RETREG1: variants seen among roughly 807,000 people sequenced by gnomAD.
RETREG1 encodes the protein family with sequence similarity 134 member B.
Under a neutral mutation model 54.8 loss-of-function variants are expected in RETREG1, and 44 were observed. The observed-to-expected ratio is 0.80, with a 90% CI of 0.63 to 1.03. The LOEUF is 1.03. Ranked by LOEUF, RETREG1 falls within the 50% of genes least tolerant of loss-of-function variation. RETREG1 has a pLI of 0.00. For synonymous variants in RETREG1, 217 were observed against 238.5 expected (o/e 0.91, Z 0.83); for missense variants, 554 against 605.1 (o/e 0.92, Z 0.89).
chr5:16,513,996 T>A (rs1478102595), intron 3 of RETREG1, among the ~76,000 whole-genome samples: 2 of 152,252 alleles, frequency 1.3e-5, no homozygotes, highest in African/African-American at 4.8e-5. Context: ...ATAATTTAAA[T>A]TAACTTCAAA....
intron 3 of RETREG1, among the ~76,000 whole-genome samples, chr5:16,511,070 G>A (rs1740160072): frequency 1.3e-5 from 2 of 152,128 alleles, no homozygotes; most frequent in Non-Finnish European, 2.9e-5. Flanking sequence ...TATAACAGAT[G>A]AATTAGCTAT....
intron 3 of RETREG1, among the ~76,000 whole-genome samples, chr5:16,506,043 C>T (rs1252157699): frequency 6.6e-6 from 1 of 152,240 alleles, no homozygotes; most frequent in Non-Finnish European, 1.5e-5. Flanking sequence ...CCTGCCCCCT[C>T]TCAGGCCGTT....
intron 3 of RETREG1, among the ~76,000 whole-genome samples, chr5:16,507,544 G>A (rs1740005423): frequency 6.6e-6 from 1 of 152,138 alleles, no homozygotes; most frequent in Admixed American, 6.5e-5. Flanking sequence ...GTCATTTTAT[G>A]TAGAAAGTTG....
intron 1 of RETREG1, among the ~76,000 whole-genome samples, chr5:16,577,330 A>G (rs1338242773): frequency 6.8e-6 from 1 of 147,392 alleles, no homozygotes; most frequent in Admixed American, 6.8e-5. Context: ...GATAGGTGGT[A>G]GTGCCTGTTT....
At chr5:16,543,863 G>A (rs575607098) in intron 3 of RETREG1, among the ~76,000 whole-genome samples, 42 of 151,468 alleles carry the variant, frequency 2.8e-4, no homozygotes, top group African/African-American at 9.9e-4. Context: ...GTTATAATTC[G>A]CCACTTTACT....
intron 5 of RETREG1, among the ~76,000 whole-genome samples, chr5:16,479,657 C>A (rs1465189409): frequency 3.3e-5 from 5 of 152,008 alleles, no homozygotes. Flanking sequence ...GAGCTCTGAC[C>A]ATTTGCCATT....
chr5:16,510,157 A>T (rs940110686), intron 3 of RETREG1, among the ~76,000 whole-genome samples: 5 of 152,240 alleles, frequency 3.3e-5, no homozygotes, highest in African/African-American at 1.2e-4. Context: ...GAAATGTCAA[A>T]ACAAATAATA....
In RETREG1 at chr5:16,511,239, G is replaced by A. The variant is rs568310750; in HGVS notation, c.459-27767C>T. Among the ~76,000 whole-genome samples the A allele has an allele frequency of 5.6e-4, 85 of 152,296 alleles. 1 individual carries two copies. In the South Asian group the frequency reaches 0.018, roughly 32 times the overall value. The stretch of plus-strand genomic sequence containing the variant: ...TCTTTTTCTGGGCTAGCGACATGTG[G>A]TGGGGTACTCTCTTATGAAGCTGGG... On this transcript the variant is annotated intron_variant, in intron 3 of 8. Coordinates refer to ENST00000306320, the MANE Select transcript of RETREG1 (RefSeq NM_001034850.3).
Position 16,593,500 on chromosome 5 carries a change from T to A in RETREG1, c.321-21398A>T, listed in dbSNP as rs1253695261. On this transcript the variant is annotated intron_variant, in intron 1 of 8. Coordinates refer to ENST00000306320, the MANE Select transcript of RETREG1 (RefSeq NM_001034850.3). This position sits in a 1 kb window ranked among gnomAD's most constrained non-coding sequence, Gnocchi z 4.9. ...ATTAATGTAATTAATTAACCATGCA[T>A]GTAATCAATGTAATCATTAATCATA... Among the ~76,000 whole-genome samples, 1 of 152,180 alleles carries A rather than the reference T, an allele frequency of 6.6e-6. No homozygotes were observed. The highest frequency in any genetic ancestry group is 2.4e-5 in the African/African-American group (1 of 41,450).
chr5:16,474,682 TTTTC>T lies in RETREG1; in HGVS notation c.*55_*58del. 1.3e-6 allele frequency: 2 copies of T among 1,562,862 alleles called. No homozygotes were observed. Among genetic ancestry groups the T allele is most frequent in the East Asian group, 2.2e-5 (1 of 44,536 alleles). On this transcript the variant is annotated 3_prime_UTR_variant, in exon 9 of 9. Coordinates refer to ENST00000306320, the MANE Select transcript of RETREG1 (RefSeq NM_001034850.3). ...TTTTTTCTTTTCCTTTTTTTTTTTT[TTTTC>T]TTGTTTGAAATTTTTTTGGTGTTTT...
At position 16,539,764 on chromosome 5, in the gene RETREG1, G is replaced by A. The variant is rs1017994853; in HGVS notation, c.458+25999C>T. On this transcript the variant is annotated intron_variant, in intron 3 of 8. Transcript: ENST00000306320. ...ATCACTTCCTCGACTTGCCTTGAAC[G>A]TGTTTTGAGAAACTGTCAAAAATTA... Among the ~76,000 whole-genome samples, 65 of 152,232 alleles carry A rather than the reference G, an allele frequency of 4.3e-4. 2 individuals carry two copies. Among genetic ancestry groups the A allele is most frequent in the South Asian group, 4.1e-4 (2 of 4,832 alleles).
chr5:16,542,621 T>C (rs111511145), intron 3 of RETREG1, among the ~76,000 whole-genome samples: 5 of 152,326 alleles, frequency 3.3e-5, no homozygotes, highest in African/African-American at 1.2e-4. Context: ...TAGGAATCTA[T>C]AAGGCATCTT....
intron 3 of RETREG1, among the ~76,000 whole-genome samples, chr5:16,562,399 C>T (rs770528053): frequency 3.0e-4 from 46 of 152,298 alleles, no homozygotes; most frequent in Non-Finnish European, 5.6e-4. Flanking sequence ...GACTAGGACA[C>T]AGGCTCCAAA....
intron 3 of RETREG1, among the ~76,000 whole-genome samples, chr5:16,521,844 C>T (rs1740543361): frequency 6.6e-6 from 1 of 152,186 alleles, no homozygotes; most frequent in Non-Finnish European, 1.5e-5. Context: ...TCCATTTACC[C>T]AGTAGTTTTT....
At chr5:16,510,838 A>G (rs1225705518) in intron 3 of RETREG1, among the ~76,000 whole-genome samples, 2 of 151,588 alleles carry the variant, frequency 1.3e-5, no homozygotes, top group Non-Finnish European at 2.9e-5. Context: ...AAAAAAAAAA[A>G]AAAACCTAAT....
chr5:16,602,956 CG>C (rs1468719949), intron 1 of RETREG1, among the ~76,000 whole-genome samples: 1 of 152,042 alleles, frequency 6.6e-6, no homozygotes, highest in Admixed American at 6.6e-5. Flanking sequence ...TGCGGTGAGC[CG>C]AGATGGCGCC....
chr5:16,560,200 C>A (rs1033007121), intron 3 of RETREG1, among the ~76,000 whole-genome samples: 2 of 152,188 alleles, frequency 1.3e-5, no homozygotes, highest in African/African-American at 4.8e-5. Flanking sequence ...TCCAGAAAAA[C>A]CACACCTGCA....
chr5:16,551,784 A>G (rs1186074589), intron 3 of RETREG1, among the ~76,000 whole-genome samples: 1 of 152,100 alleles, frequency 6.6e-6, no homozygotes, highest in African/African-American at 2.4e-5. Flanking sequence ...AAAATCCATC[A>G]TCTTGCAGTT....
intron 3 of RETREG1, among the ~76,000 whole-genome samples, chr5:16,499,079 T>C (rs1739591749): frequency 6.6e-6 from 1 of 151,836 alleles, no homozygotes; most frequent in Non-Finnish European, 1.5e-5. Context: ...TGATTTTTTT[T>C]TTTTACTTTT....
Sources: allele counts gnomAD v4.1 joint callset (sites outside exome capture counted in the v4.1 genomes callset), GRCh38; gene constraint gnomAD v4.1.1; non-coding constraint Gnocchi (gnomAD v3.1); transcripts MANE v1.5; gene names NCBI Gene and HGNC (gene_info 2026-07-23, HGNC 2026-07-21).